The following ADGRL3 variants were observed in gnomAD, a reference collection of about 807,000 sequenced individuals.
The protein encoded by ADGRL3 is adhesion G protein-coupled receptor L3.
A neutral mutation model predicts 153.5 loss-of-function variants in ADGRL3; 62 were observed. The ratio of observed to expected loss-of-function variants is 0.40; its 90% CI spans 0.33 to 0.50. The LOEUF (loss-of-function observed/expected upper bound fraction) is 0.50. Ranked by LOEUF, ADGRL3 falls within the 20% of genes least tolerant of loss-of-function variation. ADGRL3 has a pLI of 0.47. For missense variants in ADGRL3, 1,641 were observed against 1,859.4 expected, an observed-to-expected ratio of 0.88 and a Z score of 2.16; for synonymous variants, 710 against 672.5, an observed-to-expected ratio of 1.06 and a Z score of -0.86.
At chr4:61,871,249 G>A (rs2098443773) in intron 9 of ADGRL3, among the ~76,000 whole-genome samples, 3 of 151,158 alleles carry the variant, frequency 2.0e-5, no homozygotes, top group Admixed American at 6.6e-5. Context: ...CTGCACTCCA[G>A]CCTGGGTGAC....
intron 6 of ADGRL3, among the ~76,000 whole-genome samples, chr4:61,684,310 A>C (rs2095403049): frequency 6.6e-6 from 1 of 152,164 alleles, no homozygotes. Context: ...CCAAATACAA[A>C]GTATTAGTTC....
At chr4:61,481,268 A>C (rs1328611254) in intron 2 of ADGRL3, among the ~76,000 whole-genome samples, 1 of 152,220 alleles carries the variant, frequency 6.6e-6, no homozygotes, top group African/African-American at 2.4e-5. Context: ...CAGAATAAAA[A>C]GTAAAAGGCA....
intron 6 of ADGRL3, among the ~76,000 whole-genome samples, chr4:61,725,272 A>G (rs565099215): frequency 2.6e-5 from 4 of 152,286 alleles, no homozygotes; most frequent in African/African-American, 9.6e-5. Flanking sequence ...TTTGTGCCTC[A>G]GTTTCCCCAT....
intron 2 of ADGRL3, among the ~76,000 whole-genome samples, chr4:61,489,970 T>G (rs1219529343): frequency 6.6e-6 from 1 of 152,122 alleles, no homozygotes; most frequent in East Asian, 1.9e-4. Flanking sequence ...GAATTTATAT[T>G]CCTTGGTATA....
chr4:61,745,889 G>T (rs1186647122), intron 8 of ADGRL3, among the ~76,000 whole-genome samples: 5 of 152,126 alleles, frequency 3.3e-5, no homozygotes, highest in Admixed American at 6.5e-5. Flanking sequence ...TGGACTAAAT[G>T]CTCCCATTAA....
In ADGRL3 at chr4:62,028,837, T is replaced by C. The variant is rs542779415; in HGVS notation, c.3396-18T>C. 1.9e-6 allele frequency: 3 copies of C among 1,598,444 alleles called. No homozygotes were observed. Among genetic ancestry groups the C allele is most frequent in the East Asian group, 4.5e-5 (2 of 44,460 alleles). ...GCTAATGTTGGTGTTCTTGTCTTTA[T>C]GTCTATGCATTCTTTAGCTATGAGG... On this transcript the variant is annotated intron_variant, in intron 21 of 26. Transcript: ENST00000683033.
chr4:61,293,471 C>G (rs2094298701), intron 1 of ADGRL3, among the ~76,000 whole-genome samples: 1 of 151,986 alleles, frequency 6.6e-6, no homozygotes, highest in Non-Finnish European at 1.5e-5. Flanking sequence ...CAAAACTGTA[C>G]TTTAACTGTA....
chr4:61,319,265 G>A (rs1163613291), intron 1 of ADGRL3, among the ~76,000 whole-genome samples: 2 of 152,108 alleles, frequency 1.3e-5, no homozygotes, highest in African/African-American at 4.8e-5. Context: ...TCATTCTGGA[G>A]AAAGAAAATT....
intron 4 of ADGRL3, among the ~76,000 whole-genome samples, chr4:61,539,620 T>C (rs1172931530): frequency 1.3e-5 from 2 of 152,102 alleles, no homozygotes; most frequent in African/African-American, 4.8e-5. Context: ...CAGCGTGGTG[T>C]GCATCGTCTC....
intron 5 of ADGRL3, among the ~76,000 whole-genome samples, chr4:61,606,185 A>T (rs1434181307): frequency 6.6e-6 from 1 of 152,194 alleles, no homozygotes; most frequent in Non-Finnish European, 1.5e-5. Flanking sequence ...CTAAAGGGGA[A>T]GTATGGGATT....
chr4:61,368,295 C>T (rs1163411868), intron 1 of ADGRL3, among the ~76,000 whole-genome samples: 1 of 152,004 alleles, frequency 6.6e-6, no homozygotes, highest in African/African-American at 2.4e-5. Flanking sequence ...TGAATGAAGT[C>T]CTTGCCCATG....
rs550628252 is a variant in ADGRL3, at chr4:61,249,336, C to G, written c.-240+47571C>G. ...TAGGGGCCTAGACAGTACAGAAATA[C>G]ATTTCTCTGTCTTGGAAAAAGAAGT... On this transcript the variant is annotated intron_variant, in intron 1 of 26. Coordinates refer to ENST00000683033, the MANE Select transcript of ADGRL3 (RefSeq NM_001387552.1). Among the ~76,000 whole-genome samples, 4 of 152,248 alleles carry G rather than the reference C, an allele frequency of 2.6e-5. No homozygotes were observed. The South Asian group carries it at 8.3e-4, about 31-fold the overall frequency.
chr4:61,894,511 A>T (rs910076089), intron 10 of ADGRL3, among the ~76,000 whole-genome samples: 1 of 152,190 alleles, frequency 6.6e-6, no homozygotes, highest in Non-Finnish European at 1.5e-5. Flanking sequence ...TTGTGGTCTC[A>T]GTTCCTTTAC....
intron 21 of ADGRL3, among the ~76,000 whole-genome samples, chr4:62,015,205 A>G (rs570258824): frequency 1.2e-4 from 18 of 152,292 alleles, no homozygotes; most frequent in African/African-American, 4.1e-4. Flanking sequence ...TCTCCACTAC[A>G]TACAGCTATG....
intron 2 of ADGRL3, among the ~76,000 whole-genome samples, chr4:61,456,369 ATATATCTATATATATATATAGATATATC>A (rs1560663713): frequency 8.6e-5 from 10 of 115,822 alleles, no homozygotes; most frequent in African/African-American, 3.2e-4. Context: ...AGAGATATAG[ATATATCTATATATATATATAGATATATC>A]TATATCTATA....
At chr4:61,328,142 T>C (rs1481095834) in intron 1 of ADGRL3, among the ~76,000 whole-genome samples, 16 of 152,082 alleles carry the variant, frequency 1.1e-4, no homozygotes, top group Admixed American at 9.8e-4. Flanking sequence ...ACAGTGAAAA[T>C]GAGGCAATGA....
At chr4:61,526,442 T>C (rs2152937740) in intron 4 of ADGRL3, among the ~76,000 whole-genome samples, 1 of 152,072 alleles carries the variant, frequency 6.6e-6, no homozygotes, top group African/African-American at 2.4e-5. Context: ...TAATTGTAAA[T>C]CATTAGGCTA....
At chr4:61,654,088 G>T (rs190648231) in intron 5 of ADGRL3, among the ~76,000 whole-genome samples, 211 of 152,228 alleles carry the variant, frequency 1.4e-3, no homozygotes, top group African/African-American at 4.3e-3. Context: ...CAACATACAT[G>T]GGAAAAGTAT....
rs1200517365 is a variant in ADGRL3 at position 62,076,419 on chromosome 4, A to G, written c.*5511A>G. The G allele has an allele frequency of 2.0e-5, 3 of 152,084 alleles. No individual in the cohort carries two copies. The highest frequency in any genetic ancestry group is 1.3e-4 in the Admixed American group (2 of 15,250). 9.4% of individuals were successfully genotyped at this position (152,084 alleles called of 1,614,324 possible). On this transcript the variant is annotated 3_prime_UTR_variant, in exon 27 of 27. Transcript: ENST00000683033. ...AAAGACTATACATGAACAAATCTCT[A>G]TTGGGATAAACAAGTCTCTTCAACC...
Sources: gnomAD v4.1 joint callset for allele counts (sites outside exome capture counted in the v4.1 genomes callset) on GRCh38, gnomAD v4.1.1 for gene constraint, MANE v1.5 for transcripts, NCBI Gene and HGNC (gene_info 2026-07-23, HGNC 2026-07-21) for gene names.